Variants in LRRCC1 observed in about 807,000 individuals in gnomAD.
LRRCC1 encodes the protein leucine rich repeat and coiled-coil centrosomal protein 1.
Under a neutral mutation model 126.0 loss-of-function variants are expected in LRRCC1, and 115 were observed. That is an observed-to-expected ratio of 0.91 (90% CI 0.78 to 1.07). The LOEUF (loss-of-function observed/expected upper bound fraction) is 1.07. Among genes scored for constraint, LRRCC1 ranks in the 50% least tolerant of loss-of-function variants. The pLI, the probability that LRRCC1 is intolerant of heterozygous loss-of-function variation, is 0.00. For synonymous variants in LRRCC1, 400 were observed against 393.4 expected (o/e 1.02, Z -0.20); for missense variants, 1,172 against 1,175.7 (o/e 1.00, Z 0.05).
rs1810319860 is a variant in LRRCC1, at chr8:85,129,941, A to T, written c.1649A>T (p.Glu550Val). Reference protein sequence around the residue: ...AAQIRLIQEVELKASAADREI... With the variant: ...AAQIRLIQEVVLKASAADREI... ...CAGATAAGACTGATCCAAGAGGTGG[A>T]ACTCAAAGCTTCAGCTGCCGATAGA... Residue 550 changes from glutamate to valine, a missense_variant, in exon 11 of 19, where the codon GAA becomes GTA. By Grantham distance (121) the Glu-to-Val change is moderately radical (BLOSUM62 -2). Transcript: ENST00000360375. 6.3e-7 allele frequency: 1 copy of T among 1,587,844 alleles called. No homozygotes were observed. The highest frequency in any genetic ancestry group is 1.4e-5 in the African/African-American group (1 of 72,748).
In LRRCC1 at chr8:85,119,327, A is replaced by G. The variant is rs115862432; in HGVS notation, c.930+3743A>G. 2.5e-3 allele frequency among the ~76,000 whole-genome samples: 379 copies of G among 152,022 alleles called. 4 individuals carry two copies. Among genetic ancestry groups the G allele is most frequent in the African/African-American group, 7.8e-3 (323 of 41,488 alleles). On this transcript the variant is annotated intron_variant, in intron 6 of 18. Transcript: ENST00000360375. ...GATATTGGCAATCTGTGTTTTCTCTATTTTTATTTGTTTGCCTTGATCAGT... is the reference window on the plus strand; with the variant it reads ...GATATTGGCAATCTGTGTTTTCTCTGTTTTTATTTGTTTGCCTTGATCAGT...
At chr8:85,124,279 T>G (rs1353397965) in intron 7 of LRRCC1, among the ~76,000 whole-genome samples, 1 of 152,156 alleles carries the variant, frequency 6.6e-6, no homozygotes, top group African/African-American at 2.4e-5. Flanking sequence ...AATTCTTCCA[T>G]ACCTACCCAA....
chr8:85,122,344 T>C (rs540045432), intron 6 of LRRCC1, among the ~76,000 whole-genome samples: 2 of 152,294 alleles, frequency 1.3e-5, no homozygotes, highest in African/African-American at 4.8e-5. Flanking sequence ...TCTGCTCCAT[T>C]CTCTCTTCTC....
chr8:85,123,702 T>C, intron 7 of LRRCC1, 96 bp downstream of exon 7: 3 of 928,606 alleles, frequency 3.2e-6, no homozygotes, highest in African/African-American at 1.7e-5. Context: ...GTTACTTTAC[T>C]AATGTTGAAG....
At chr8:85,143,321 CAA>C (rs752348400) in intron 18 of LRRCC1, among the ~76,000 whole-genome samples, 4 of 136,890 alleles carry the variant, frequency 2.9e-5, no homozygotes, top group African/African-American at 5.4e-5. Flanking sequence ...AACTCTGTCT[CAA>C]AAAAAAAAAA....
chr8:85,120,495 A>G (rs573612998), intron 6 of LRRCC1, among the ~76,000 whole-genome samples: 28 of 152,288 alleles, frequency 1.8e-4, no homozygotes, highest in Non-Finnish European at 3.8e-4. Context: ...ATCATCATGA[A>G]ATGTTCCTCT....
At chr8:85,135,575 A>T (rs1395288720) in intron 13 of LRRCC1, among the ~76,000 whole-genome samples, 1 of 152,118 alleles carries the variant, frequency 6.6e-6, no homozygotes, top group East Asian at 1.9e-4. Flanking sequence ...TTTTAGAATA[A>T]AATTCAGATT....
At chr8:85,145,292 T>A in intron 18 of LRRCC1, 97 bp from the exon 19 acceptor site, 1 of 918,706 alleles carries the variant, frequency 1.1e-6, no homozygotes, top group Non-Finnish European at 1.6e-6. Context: ...AATTTCAAAA[T>A]GTGTAAGAAT....
At chr8:85,126,905 A>AATGTATTCCAGTT in intron 9 of LRRCC1, 68 bp downstream of exon 9, 1 of 1,329,906 alleles carries the variant, frequency 7.5e-7, no homozygotes, top group Non-Finnish European at 1.0e-6. Flanking sequence ...GAACTGGAAT[A>AATGTATTCCAGTT]CATTAGTTTC....
Position 85,119,071 on chromosome 8 carries a change from G to A in LRRCC1, c.930+3487G>A, listed in dbSNP as rs13279878. Among the ~76,000 whole-genome samples the A allele has an allele frequency of 5.2e-3, 784 of 151,514 alleles. 9 individuals are homozygous for A. The highest frequency in any genetic ancestry group is 0.018 in the African/African-American group (742 of 41,306). The stretch of plus-strand genomic sequence containing the variant: ...TTATCTCAGTACCATTTGTAGAAAA[G>A]GCTCTTCTTTTCACTAAATTTCTTT... On this transcript the variant is annotated intron_variant, in intron 6 of 18. Coordinates refer to ENST00000360375, the MANE Select transcript of LRRCC1 (RefSeq NM_033402.5).
At chr8:85,141,731 G>A (rs902176726) in intron 18 of LRRCC1, among the ~76,000 whole-genome samples, 3 of 152,118 alleles carry the variant, frequency 2.0e-5, no homozygotes, top group African/African-American at 7.2e-5. Context: ...AGCAAAACTT[G>A]TACATTTGAT....
intron 17 of LRRCC1, 30 bp downstream of exon 17, chr8:85,138,505 TCTC>T: frequency 3.1e-6 from 5 of 1,591,952 alleles, no homozygotes; most frequent in Non-Finnish European, 4.3e-6. Context: ...GGATTTGAGA[TCTC>T]CTTAATCGTA....
Position 85,131,610 on chromosome 8 carries a change from A to G in LRRCC1, c.1767-150A>G, listed in dbSNP as rs1391969100. 6.6e-6 allele frequency: 4 copies of G among 603,816 alleles called. No individual in the cohort carries two copies. The South Asian group carries it at 6.7e-5, about 10-fold the overall frequency. 37.4% of individuals were successfully genotyped at this position (603,816 alleles called of 1,614,324 possible). A position where few individuals can be genotyped will look rare whatever the true frequency, so the allele number is the denominator to read the frequency against. ...AATAAAACTCATATTATTTGTACCT[A>G]TCTATGCCCAATTACTGCGTTTGAA... On this transcript the variant is annotated intron_variant, in intron 11 of 18. Transcript: ENST00000360375.
intron 18 of LRRCC1, 124 bp downstream of exon 18, chr8:85,141,641 A>C: frequency 1.4e-6 from 1 of 694,918 alleles, no homozygotes; most frequent in Non-Finnish European, 2.3e-6. Context: ...GATATAAAGA[A>C]TGTTACCAAA....
At chr8:85,137,776 T>C in intron 15 of LRRCC1, 149 bp downstream of exon 15, 1 of 573,516 alleles carries the variant, frequency 1.7e-6, no homozygotes. Flanking sequence ...ATATTTGCCC[T>C]TTTGCTCTTA....
At chr8:85,132,375 C>CTTTTTTTT (rs551423793) in intron 12 of LRRCC1, among the ~76,000 whole-genome samples, 70 of 109,920 alleles carry the variant, frequency 6.4e-4, no homozygotes, top group African/African-American at 1.3e-3. Flanking sequence ...TGAGTACTTT[C>CTTTTTTTT]TTTTTTTTTT....
Position 85,141,444 on chromosome 8 carries a change from T to G in LRRCC1, c.2903T>G (p.Val968Gly). ...DAFKRQVDAI[V>G]EAHQAEIAQL... is the part of the protein sequence containing the mutation. ...TTTAAAAGACAAGTTGATGCAATTG[T>G]TGAAGCTCATCAAGCTGAAATAGCA... Residue 968 changes from valine to glycine, a missense_variant, in exon 18 of 19, where the codon GTT (valine) becomes GGT (glycine). Coordinates refer to ENST00000360375, the MANE Select transcript of LRRCC1 (RefSeq NM_033402.5). 1.2e-6 allele frequency: 2 copies of G among 1,613,192 alleles called. No individual in the cohort carries two copies. Among genetic ancestry groups the G allele is most frequent in the Non-Finnish European group, 1.7e-6 (2 of 1,179,300 alleles).
intron 12 of LRRCC1, among the ~76,000 whole-genome samples, chr8:85,133,728 A>G (rs1810657710): frequency 6.6e-6 from 1 of 152,178 alleles, no homozygotes; most frequent in African/African-American, 2.4e-5. Context: ...TACCACCTCT[A>G]ACACAGCCAC....
chr8:85,114,487 T>C (rs1808957058), intron 4 of LRRCC1, among the ~76,000 whole-genome samples: 2 of 152,064 alleles, frequency 1.3e-5, no homozygotes, highest in Admixed American at 1.3e-4. Context: ...GTTTTAAAAT[T>C]ACATTTACAC....
Sources: allele counts gnomAD v4.1 joint callset (sites outside exome capture counted in the v4.1 genomes callset), GRCh38; gene constraint gnomAD v4.1.1; transcripts MANE v1.5; gene names NCBI Gene and HGNC (gene_info 2026-07-23, HGNC 2026-07-21).